Variants in TBC1D30 observed in about 807,000 individuals in gnomAD.
TBC1D30 encodes the protein TBC1 domain family, member 30.
TBC1D30 carries 31 observed loss-of-function variants against 63.2 expected under a neutral mutation model. The ratio of observed to expected loss-of-function variants is 0.49; its 90% CI spans 0.37 to 0.66. TBC1D30 has a LOEUF of 0.66. Ranked by LOEUF, TBC1D30 falls within the 30% of genes least tolerant of loss-of-function variation. The pLI, the probability that TBC1D30 is intolerant of heterozygous loss-of-function variation, is 0.00. For missense variants in TBC1D30, 810 were observed against 953.6 expected (o/e 0.85, Z 1.98); for synonymous variants, 307 against 361.5 (o/e 0.85, Z 1.71).
chr12:64,878,371 CAGA>C lies in TBC1D30; in HGVS notation c.*2586_*2588del. On this transcript the variant is annotated 3_prime_UTR_variant, in exon 12 of 12. Coordinates refer to ENST00000539867, the MANE Select transcript of TBC1D30 (RefSeq NM_015279.2). ...TGTATTGGACACTGTATGCAAACAC[CAGA>C]AGTACTTAACAAGTAGTGGTTTCTT... is the stretch of plus-strand genomic sequence containing the variant. 3 of 453,350 alleles carry C rather than the reference CAGA, an allele frequency of 6.6e-6. No homozygotes were observed. The highest frequency in any genetic ancestry group is 1.3e-5 in the Non-Finnish European group (3 of 225,304). 28.1% of individuals were successfully genotyped at this position (453,350 alleles called of 1,614,324 possible). A position where few individuals can be genotyped will look rare whatever the true frequency, so the allele number is the denominator to read the frequency against.
intron 1 of TBC1D30, among the ~76,000 whole-genome samples, chr12:64,770,669 C>T (rs1480938306): frequency 3.3e-5 from 5 of 152,016 alleles, no homozygotes; most frequent in Admixed American, 1.3e-4. Context: ...GCCATTGTCC[C>T]ATATGACTGC....
chr12:64,818,879 T>C (rs1592586611), intron 2 of TBC1D30: 1 of 152,216 alleles, frequency 6.6e-6, no homozygotes, highest in South Asian at 2.1e-4. Context: ...TATAAAGGTG[T>C]CTTTATATGG....
chr12:64,831,912 G>A (rs1007460157), intron 4 of TBC1D30, among the ~76,000 whole-genome samples: 7 of 151,922 alleles, frequency 4.6e-5, no homozygotes, highest in African/African-American at 1.2e-4. Context: ...AATTCCCCTT[G>A]CAAATCTCTC....
chr12:64,828,473 G>A lies in TBC1D30; in HGVS notation c.246G>A (p.Arg82=). The stretch of plus-strand genomic sequence containing the variant: ...ACGATGCTCTCAAGGCAGTTGCCAG[G>A]CTATCCACAGGAATACCAAAGGAAT... ...QWYDALKAVA[R]LSTGIPKEWR... The change falls in exon 3 of 12, where the codon AGG becomes AGA. Residue 82 remains arginine (R), a synonymous_variant. Coordinates refer to ENST00000539867, the MANE Select transcript of TBC1D30 (RefSeq NM_015279.2). The A allele has an allele frequency of 6.5e-7, 1 of 1,535,910 alleles. No homozygotes were observed. The highest frequency in any genetic ancestry group is 8.7e-7 in the Non-Finnish European group (1 of 1,146,756).
intron 10 of TBC1D30, chr12:64,868,235 G>A (rs1190946316): frequency 6.4e-6 from 1 of 157,180 alleles, no homozygotes; most frequent in Non-Finnish European, 1.4e-5. Context: ...AATGACACTT[G>A]TAGATGAGTT....
intron 11 of TBC1D30, among the ~76,000 whole-genome samples, chr12:64,872,903 C>T (rs555015190): frequency 6.6e-6 from 1 of 152,250 alleles, no homozygotes; most frequent in East Asian, 1.9e-4. Context: ...ATCATGAGAA[C>T]AGCACGGGAA....
chr12:64,851,854 CTT>C (rs889703513), intron 8 of TBC1D30, among the ~76,000 whole-genome samples: 59 of 152,194 alleles, frequency 3.9e-4, no homozygotes, highest in African/African-American at 1.4e-3. Flanking sequence ...GGCCTTCACT[CTT>C]TTCTGGCTTG....
At chr12:64,847,201 TC>T (rs1178505220) in intron 8 of TBC1D30, among the ~76,000 whole-genome samples, 52 of 151,270 alleles carry the variant, frequency 3.4e-4, no homozygotes, top group South Asian at 8.3e-4. Context: ...TCACTAATGA[TC>T]CTTTGATTTT....
At chr12:64,808,285 C>G (rs1367000414) in intron 2 of TBC1D30, among the ~76,000 whole-genome samples, 1 of 152,154 alleles carries the variant, frequency 6.6e-6, no homozygotes, top group East Asian at 1.9e-4. Flanking sequence ...AGCACCATCC[C>G]TTTTGAAAGT....
At chr12:64,852,960 C>T (rs1877001526) in intron 8 of TBC1D30, among the ~76,000 whole-genome samples, 1 of 152,154 alleles carries the variant, frequency 6.6e-6, no homozygotes, top group South Asian at 2.1e-4. Context: ...TCAGGAGGCA[C>T]GGGAGTCAGG....
rs768140818 is a variant in TBC1D30, at chr12:64,875,644, C to G, written c.2142C>G (p.Ser714Arg). 1.1e-5 allele frequency: 17 copies of G among 1,536,270 alleles called. No individual in the cohort carries two copies. The highest frequency in any genetic ancestry group is 1.5e-5 in the Non-Finnish European group (17 of 1,146,948). ...SKTPIFSPFP[S>R]VKPLRKSATA... ...CCCCCATCTTTAGCCCTTTTCCCAG[C>G]GTCAAGCCCCTGCGGAAATCTGCTA... Residue 714 changes from serine (S) to arginine (R), a missense_variant, in exon 12 of 12, where the codon AGC becomes AGG. Ser to Arg is a moderately radical substitution (Grantham distance 110). Transcript: ENST00000539867.
intron 2 of TBC1D30, among the ~76,000 whole-genome samples, chr12:64,807,742 AT>A (rs1204631250): frequency 6.6e-6 from 1 of 151,960 alleles, no homozygotes; most frequent in African/African-American, 2.4e-5. Flanking sequence ...CAATTAAAAA[AT>A]TTAATTTTTT....
At position 64,783,045 on chromosome 12, in the gene TBC1D30, CA is replaced by C. The variant is rs573590868; in HGVS notation, c.478+1765del. ...GGTTATTTGATCTTTTTCTCAGGCT[CA>C]AAAAATATTCCCCCCAATATAACTA... On this transcript the variant is annotated intron_variant, in intron 1 of 12. Coordinates refer to the TBC1D30 transcript ENST00000542120. Among the ~76,000 whole-genome samples, 471 of 152,210 alleles carry C rather than the reference CA, an allele frequency of 3.1e-3. 1 individual carries two copies. Among genetic ancestry groups the C allele is most frequent in the Non-Finnish European group, 3.9e-3 (263 of 68,004 alleles).
intron 10 of TBC1D30, 138 bp from the exon 11 acceptor site, chr12:64,870,464 C>T: frequency 1.5e-6 from 1 of 668,608 alleles, no homozygotes; most frequent in Non-Finnish European, 2.5e-6. Flanking sequence ...ACTAGACAAA[C>T]TCTAGTATGC....
chr12:64,761,452 A>G (rs890124397), intron 1 of TBC1D30, among the ~76,000 whole-genome samples: 2 of 152,146 alleles, frequency 1.3e-5, no homozygotes, highest in Non-Finnish European at 2.9e-5. Flanking sequence ...AAGTCACAGG[A>G]TGAGATAGGA....
intron 11 of TBC1D30, among the ~76,000 whole-genome samples, chr12:64,874,462 C>G (rs775085198): frequency 1.3e-5 from 2 of 152,154 alleles, no homozygotes; most frequent in African/African-American, 2.4e-5. Context: ...AGTGGTTTTT[C>G]ACCTGTAGGG....
Position 64,836,485 on chromosome 12 carries a change from T to G in TBC1D30, c.595-5T>G, listed in dbSNP as rs752165012. ...CAGTCTTAAGCTTTATCTTTTTTTC[T>G]TTAGATTATGATTTACCTTATTGAT... On this transcript the variant is annotated splice_polypyrimidine_tract_variant and splice_region_variant and intron_variant, in intron 5 of 11. Transcript: ENST00000539867. The G allele has an allele frequency of 2.6e-6, 4 of 1,533,062 alleles. No homozygotes were observed. The East Asian group carries it at 9.8e-5, about 37-fold the overall frequency. 95.0% of individuals were successfully genotyped at this position (1,533,062 alleles called of 1,614,324 possible). A position where few individuals can be genotyped will look rare whatever the true frequency, so the allele number is the denominator to read the frequency against.
At chr12:64,787,540 G>T (rs1871666889) in intron 2 of TBC1D30, among the ~76,000 whole-genome samples, 1 of 152,024 alleles carries the variant, frequency 6.6e-6, no homozygotes, top group African/African-American at 2.4e-5. Flanking sequence ...TGCAAATTAA[G>T]ATGTGTTTGC....
At chr12:64,771,357 G>A (rs186071335) in intron 1 of TBC1D30, among the ~76,000 whole-genome samples, 32 of 152,148 alleles carry the variant, frequency 2.1e-4, no homozygotes, top group Middle Eastern at 3.4e-3. Flanking sequence ...GATCGAGATG[G>A]AACTCTTATC....
Sources: allele counts gnomAD v4.1 joint callset (sites outside exome capture counted in the v4.1 genomes callset), GRCh38; gene constraint gnomAD v4.1.1; transcripts MANE v1.5; gene names NCBI Gene and HGNC (gene_info 2026-07-23, HGNC 2026-07-21).